Variants in TAOK1 observed in about 807,000 individuals in gnomAD.
The protein encoded by TAOK1 is TAO kinase 1, also known as serine/threonine-protein kinase TAO1.
In TAOK1, 21 loss-of-function variants were observed where a neutral mutation model predicts 138.3. The observed-to-expected ratio is 0.15, with a 90% CI of 0.11 to 0.22. The LOEUF (loss-of-function observed/expected upper bound fraction) is 0.22. Among genes scored for constraint, TAOK1 ranks in the 10% least tolerant of loss-of-function variants. TAOK1 has a pLI of 1.00. For missense variants in TAOK1, 651 were observed against 1,227.7 expected, an observed-to-expected ratio of 0.53 and a Z score of 7.02; for synonymous variants, 361 against 398.4, an observed-to-expected ratio of 0.91 and a Z score of 1.12.
intron 1 of TAOK1, among the ~76,000 whole-genome samples, chr17:29,442,405 A>G (rs2153023522): frequency 1.4e-5 from 2 of 147,592 alleles, no homozygotes; most frequent in East Asian, 3.9e-4. Flanking sequence ...TTTTTTTTTA[A>G]CATTTTCTAT....
intron 3 of TAOK1, among the ~76,000 whole-genome samples, chr17:29,471,216 G>A (rs1032990703): frequency 1.3e-5 from 2 of 150,210 alleles, no homozygotes; most frequent in African/African-American, 2.5e-5. Context: ...CATTAAGTGT[G>A]CAATAACATT....
rs957638537 is a variant in TAOK1 at position 29,539,716 on chromosome 17, C to T, written c.2545-2845C>T. 7.9e-5 allele frequency among the ~76,000 whole-genome samples: 12 copies of T among 152,048 alleles called. 1 individual carries two copies. The highest frequency in any genetic ancestry group is 7.2e-4 in the Admixed American group (11 of 15,258). On this transcript the variant is annotated intron_variant, in intron 19 of 19. Transcript: ENST00000261716. ...CTCCCAAAGCTCTTGGGATTACAGG[C>T]GTGAGCCACTGCACCCAGCCAATTT... is the stretch of plus-strand genomic sequence containing the variant.
chr17:29,421,384 C>G (rs1905440588), intron 1 of TAOK1, among the ~76,000 whole-genome samples: 1 of 152,094 alleles, frequency 6.6e-6, no homozygotes, highest in Non-Finnish European at 1.5e-5. Flanking sequence ...GTTTGAGATA[C>G]TGGTTTATAG....
chr17:29,430,776 T>G (rs1000373357), intron 1 of TAOK1, among the ~76,000 whole-genome samples: 1 of 152,154 alleles, frequency 6.6e-6, no homozygotes, highest in Non-Finnish European at 1.5e-5. Flanking sequence ...CTGAAGGTCT[T>G]TCTTCTGTAA....
chr17:29,496,468 G>A (rs1029211845), intron 11 of TAOK1, among the ~76,000 whole-genome samples: 1 of 146,836 alleles, frequency 6.8e-6, no homozygotes, highest in Non-Finnish European at 1.5e-5. Flanking sequence ...GCTTTTGGAA[G>A]TTCTTGAATT....
Position 29,445,266 on chromosome 17 carries a change from A to G in TAOK1, c.-94-6189A>G, listed in dbSNP as rs1239032815. 3 of 152,402 alleles carry G rather than the reference A, an allele frequency of 2.0e-5. 1 individual carries two copies. The highest frequency in any genetic ancestry group is 4.4e-5 in the Non-Finnish European group (3 of 68,046). 9.4% of individuals were successfully genotyped at this position (152,402 alleles called of 1,614,324 possible). A position where few individuals can be genotyped will look rare whatever the true frequency, so the allele number is the denominator to read the frequency against. ...GTGCTTATCCTTTGAGTTGCAAACAATCCAATTATACTCTTCAAGTTATTT... is the reference window on the plus strand; with the variant it reads ...GTGCTTATCCTTTGAGTTGCAAACAGTCCAATTATACTCTTCAAGTTATTT... On this transcript the variant is annotated intron_variant, in intron 1 of 19. Transcript: ENST00000261716.
intron 1 of TAOK1, among the ~76,000 whole-genome samples, chr17:29,441,375 A>G (rs990134032): frequency 3.3e-5 from 5 of 152,174 alleles, no homozygotes; most frequent in African/African-American, 9.7e-5. Flanking sequence ...GAGTGAAGCC[A>G]TCTAGTTCCA....
intron 1 of TAOK1, among the ~76,000 whole-genome samples, chr17:29,393,394 T>TC (rs1306619314): frequency 6.6e-6 from 1 of 152,152 alleles, no homozygotes; most frequent in African/African-American, 2.4e-5. Flanking sequence ...AAAACAACTC[T>TC]CTTTTTTCAT....
intron 8 of TAOK1, among the ~76,000 whole-genome samples, chr17:29,488,883 A>T (rs2031236582): frequency 6.6e-6 from 1 of 152,174 alleles, no homozygotes; most frequent in African/African-American, 2.4e-5. Context: ...ATCAGTGCGG[A>T]TATTAAAAGA....
At chr17:29,420,044 A>G (rs1346741082) in intron 1 of TAOK1, among the ~76,000 whole-genome samples, 7 of 149,038 alleles carry the variant, frequency 4.7e-5, no homozygotes, top group African/African-American at 1.7e-4. Context: ...ACACCTGGCT[A>G]ATTTTTTTTT....
chr17:29,519,489 G>A (rs887784253), intron 16 of TAOK1, among the ~76,000 whole-genome samples: 3 of 151,056 alleles, frequency 2.0e-5, no homozygotes, highest in African/African-American at 4.9e-5. Flanking sequence ...GCTGCACTCC[G>A]GTCTGGGCGA....
chr17:29,533,449 C>T (rs1235556980), intron 18 of TAOK1, among the ~76,000 whole-genome samples: 2 of 151,920 alleles, frequency 1.3e-5, no homozygotes, highest in African/African-American at 4.8e-5. Flanking sequence ...GGCGGCCGGG[C>T]AGAGGCTGCA....
intron 1 of TAOK1, among the ~76,000 whole-genome samples, chr17:29,412,519 G>A (rs916686056): frequency 1.8e-4 from 28 of 151,834 alleles, no homozygotes; most frequent in African/African-American, 6.8e-4. Flanking sequence ...GTTCTTTTTG[G>A]CTCATTTATC....
intron 1 of TAOK1, among the ~76,000 whole-genome samples, chr17:29,416,616 T>C (rs1905271743): frequency 6.6e-6 from 1 of 152,202 alleles, no homozygotes; most frequent in South Asian, 2.1e-4. Flanking sequence ...TCTTTCCTTA[T>C]TGCAAGCCGA....
At chr17:29,417,041 TCTCA>T (rs1249525904) in intron 1 of TAOK1, among the ~76,000 whole-genome samples, 1 of 151,988 alleles carries the variant, frequency 6.6e-6, no homozygotes, top group Non-Finnish European at 1.5e-5. Context: ...TGAGATGGAG[TCTCA>T]CTCTGTCGTC....
At chr17:29,496,758 T>G (rs1297775384) in intron 11 of TAOK1, among the ~76,000 whole-genome samples, 1 of 138,512 alleles carries the variant, frequency 7.2e-6, no homozygotes, top group Non-Finnish European at 1.6e-5. Context: ...ACTAATTTTT[T>G]GTATGTTTAG....
rs2030975639 is a variant in TAOK1, at chr17:29,477,644, A to G, written c.307-17A>G. The G allele has an allele frequency of 2.3e-6, 3 of 1,332,454 alleles. No homozygotes were observed. Among genetic ancestry groups the G allele is most frequent in the Admixed American group, 2.7e-5 (1 of 36,978 alleles). 82.5% of individuals were successfully genotyped at this position (1,332,454 alleles called of 1,614,324 possible). A position where few individuals can be genotyped will look rare whatever the true frequency, so the allele number is the denominator to read the frequency against. On this transcript the variant is annotated splice_polypyrimidine_tract_variant and intron_variant, in intron 4 of 19. Transcript: ENST00000261716. ...TATAATAATATATTTTAATGCTTTT[A>G]TAACTTTTCCATGTAGCTTGTAATG...
intron 1 of TAOK1, among the ~76,000 whole-genome samples, chr17:29,419,922 C>G (rs1905378507): frequency 6.6e-6 from 1 of 151,980 alleles, no homozygotes; most frequent in Non-Finnish European, 1.5e-5. Flanking sequence ...CTCTGTTGCC[C>G]AAGCTCGAGT....
intron 1 of TAOK1, among the ~76,000 whole-genome samples, chr17:29,441,397 C>CT (rs1567719297): frequency 6.6e-6 from 1 of 152,142 alleles, no homozygotes; most frequent in African/African-American, 2.4e-5. Flanking sequence ...GTTGTTTCCT[C>CT]TGACAGTTTT....
Sources: allele counts gnomAD v4.1 joint callset (sites outside exome capture counted in the v4.1 genomes callset), GRCh38; gene constraint gnomAD v4.1.1; transcripts MANE v1.5; gene names NCBI Gene and HGNC (gene_info 2026-07-23, HGNC 2026-07-21).